SUGP2: variants seen among roughly 807,000 people sequenced by gnomAD.
SUGP2 encodes SURP and G-patch domain containing 2.
In SUGP2, 24 loss-of-function variants were observed where a neutral mutation model predicts 90.5. The observed-to-expected ratio is 0.27, with a 90% CI of 0.19 to 0.37. SUGP2 has a LOEUF of 0.37. Among genes scored for constraint, SUGP2 ranks in the 10% least tolerant of loss-of-function variants. SUGP2 has a pLI of 1.00. For synonymous variants in SUGP2, 473 were observed against 513.4 expected (o/e 0.92, Z 1.06); for missense variants, 1,233 against 1,363.3 (o/e 0.90, Z 1.51).
intron 3 of SUGP2, among the ~76,000 whole-genome samples, chr19:19,023,969 G>A (rs1034458101): frequency 1.3e-5 from 2 of 152,036 alleles, no homozygotes; most frequent in African/African-American, 4.8e-5. Context: ...AGGAACAAGC[G>A]TTCTTAACCT....
At chr19:19,032,573 CAATG>C (rs1568476790) in intron 1 of SUGP2, among the ~76,000 whole-genome samples, 1 of 152,080 alleles carries the variant, frequency 6.6e-6, no homozygotes, top group Non-Finnish European at 1.5e-5. Flanking sequence ...CAACCAATGA[CAATG>C]AACTAGTGAC....
chr19:19,024,875 A>G lies in SUGP2; in HGVS notation c.1473T>C (p.Ser491=). The G allele has an allele frequency of 6.2e-7, 1 of 1,614,222 alleles. No homozygotes were observed. Among genetic ancestry groups the G allele is most frequent in the Non-Finnish European group, 8.5e-7 (1 of 1,180,044 alleles). Residue 491 remains serine, a synonymous_variant, in exon 3 of 11, where the codon TCT becomes TCC. Transcript: ENST00000452918. ...ALLGQTFSLA[S]SFRQEKILEA... is the part of the protein sequence containing the mutation. ...CTAAGATTTTCTCCTGCCGGAAAGA[A>G]GAGGCCAAGGAAAATGTCTGTCCCA...
intron 8 of SUGP2, among the ~76,000 whole-genome samples, chr19:18,997,791 A>G (rs1362140625): frequency 6.6e-6 from 1 of 151,108 alleles, no homozygotes; most frequent in Non-Finnish European, 1.5e-5. Flanking sequence ...TCAAAAAAAA[A>G]AAAAAAAAAA....
chr19:19,001,969 T>C (rs2057851911), intron 7 of SUGP2, among the ~76,000 whole-genome samples: 1 of 152,204 alleles, frequency 6.6e-6, no homozygotes, highest in South Asian at 2.1e-4. Context: ...CCCACATTTA[T>C]AACAAAAGAT....
Position 19,008,355 on chromosome 19 carries a change from T to C in SUGP2, c.2412A>G (p.Gln804=). 1 of 1,614,168 alleles carries C rather than the reference T, an allele frequency of 6.2e-7. No individual in the cohort carries two copies. The highest frequency in any genetic ancestry group is 2.2e-5 in the East Asian group (1 of 44,878). Residue 804 remains glutamine, a synonymous_variant, in exon 6 of 11, where the codon CAA becomes CAG. Transcript: ENST00000452918. ...TATCGGTGCTGTTTTCTATGCTGAATTGTTCGATCTCTGGTCCCACCTGAG... is the reference window on the plus strand; with the variant it reads ...TATCGGTGCTGTTTTCTATGCTGAACTGTTCGATCTCTGGTCCCACCTGAG... The part of the protein sequence containing the change: ...FVAQVGPEIE[Q]FSIENSTDNP...
At chr19:18,998,884 A>G (rs1237542008) in intron 8 of SUGP2, 3 of 152,370 alleles carry the variant, frequency 2.0e-5, no homozygotes, top group East Asian at 1.9e-4. Context: ...GCCCCTTGCC[A>G]TGAGAAAGTG....
chr19:19,008,482 G>T, intron 5 of SUGP2, 54 bp from the exon 6 acceptor site: 1 of 1,395,974 alleles, frequency 7.2e-7, no homozygotes, highest in Non-Finnish European at 1.0e-6. Flanking sequence ...TGCTCCCCGT[G>T]TAAACACTGC....
At chr19:19,029,131 A>T (rs1327475675) in intron 2 of SUGP2, among the ~76,000 whole-genome samples, 3 of 150,950 alleles carry the variant, frequency 2.0e-5, no homozygotes, top group African/African-American at 7.3e-5. Context: ...GGCGCATGCC[A>T]CCATGCCCAG....
At chr19:18,994,678 G>A in intron 9 of SUGP2, 192 bp from the exon 10 acceptor site, 1 of 766,816 alleles carries the variant, frequency 1.3e-6, no homozygotes, top group Non-Finnish European at 2.0e-6. Flanking sequence ...GCTGGCTTTT[G>A]AGGGGGTGCC....
At chr19:19,011,446 C>G (rs962760063) in intron 4 of SUGP2, among the ~76,000 whole-genome samples, 24 of 152,006 alleles carry the variant, frequency 1.6e-4, no homozygotes, top group African/African-American at 5.8e-4. Flanking sequence ...CTGCACCTGG[C>G]CCACTATTTC....
chr19:19,000,310 T>C (rs1173577400), intron 8 of SUGP2, among the ~76,000 whole-genome samples: 1 of 152,206 alleles, frequency 6.6e-6, no homozygotes, highest in Non-Finnish European at 1.5e-5. Flanking sequence ...GCTTTCCCAA[T>C]TCAGCGGCAT....
rs1378687948 is a variant in SUGP2 at position 18,992,749 on chromosome 19, GTCAGAGGGATCC to G, written c.*980_*991del. 6.6e-6 allele frequency: 1 copy of G among 152,210 alleles called. No homozygotes were observed. The highest frequency in any genetic ancestry group is 1.5e-5 in the Non-Finnish European group (1 of 68,052). 9.4% of individuals were successfully genotyped at this position (152,210 alleles called of 1,614,324 possible). ...CTGCTGTGTCCCCTAATCCTGGGGT[GTCAGAGGGATCC>G]TAAGTTTTCCAGATTTTTGCCCATA... On this transcript the variant is annotated 3_prime_UTR_variant, in exon 11 of 11. Coordinates refer to ENST00000452918, the MANE Select transcript of SUGP2 (RefSeq NM_001017392.5).
At chr19:19,012,135 T>G (rs550547186) in intron 4 of SUGP2, among the ~76,000 whole-genome samples, 8 of 152,322 alleles carry the variant, frequency 5.3e-5, no homozygotes, top group African/African-American at 1.9e-4. Flanking sequence ...TGTTAGCCAG[T>G]TGAGGTCTGT....
In SUGP2 at chr19:19,004,377, G is replaced by C; in HGVS notation, c.2720C>G (p.Pro907Arg). Residue 907 changes from proline to arginine, a missense_variant, in exon 7 of 11, where the codon CCC becomes CGC. This residue lies in a region of SUGP2 where 540 missense variants were observed against 542.6 expected (regional missense o/e 1.00). Coordinates refer to ENST00000452918, the MANE Select transcript of SUGP2 (RefSeq NM_001017392.5). ...EDDEDGGEEAPAPGGAGKSEG... is the reference protein window; with the variant it reads ...EDDEDGGEEARAPGGAGKSEG... ...AGACTTGCCCGCCCCTCCAGGAGCG[G>C]GGGCCTCCTCTCCCCCATCCTCATC... 2 of 1,613,838 alleles carry C rather than the reference G, an allele frequency of 1.2e-6. No homozygotes were observed. Among genetic ancestry groups the C allele is most frequent in the Non-Finnish European group, 1.7e-6 (2 of 1,179,870 alleles).
rs202032611 is a variant in SUGP2 at position 19,019,161 on chromosome 19, C to T, written c.1798G>A (p.Gly600Ser). Residue 600 changes from glycine to serine, a missense_variant, in exon 4 of 11, where the codon GGC (glycine) becomes AGC (serine). Gly to Ser is a moderately conservative substitution (Grantham distance 56, BLOSUM62 0). Coordinates refer to ENST00000452918, the MANE Select transcript of SUGP2 (RefSeq NM_001017392.5). ...IDQLVKRVIE[G>S]SLSPKERTLL... ...GTTCTCTCTTTGGGAGACAGGCTGC[C>T]TTCGATGACACGTTTCACAAGCTGG... 6.2e-7 allele frequency: 1 copy of T among 1,614,148 alleles called. No homozygotes were observed. Among genetic ancestry groups the T allele is most frequent in the Non-Finnish European group, 8.5e-7 (1 of 1,179,998 alleles).
chr19:18,994,670 T>C (rs1314656149), intron 9 of SUGP2, 184 bp from the exon 10 acceptor site: 5 of 850,262 alleles, frequency 5.9e-6, no homozygotes, highest in Non-Finnish European at 7.0e-6. Flanking sequence ...CTCGAAGAGC[T>C]GGCTTTTGAG....
intron 10 of SUGP2, 100 bp from the exon 11 acceptor site, chr19:18,993,840 G>T (rs1270747957): frequency 6.6e-6 from 1 of 152,282 alleles, no homozygotes; most frequent in African/African-American, 2.4e-5. Context: ...ATATTTACAG[G>T]CCCAAGGCCC....
chr19:19,030,636 C>T (rs1007285861), intron 2 of SUGP2, among the ~76,000 whole-genome samples: 1 of 152,084 alleles, frequency 6.6e-6, no homozygotes, highest in African/African-American at 2.4e-5. Flanking sequence ...AACATTATCC[C>T]CTGACCAAGT....
chr19:19,031,821 TATC>T (rs1293131526), intron 1 of SUGP2, among the ~76,000 whole-genome samples: 7 of 126,020 alleles, frequency 5.6e-5, no homozygotes, highest in Non-Finnish European at 1.6e-5. Flanking sequence ...CCTTTTTATT[TATC>T]TTTTTTTTTT....
Sources: gnomAD v4.1 joint callset for allele counts (sites outside exome capture counted in the v4.1 genomes callset) on GRCh38, gnomAD v4.1.1 for gene constraint, gnomAD v4.1.1 regional missense constraint, MANE v1.5 for transcripts, NCBI Gene and HGNC (gene_info 2026-07-23, HGNC 2026-07-21) for gene names.